DACH1: variants seen among roughly 807,000 people sequenced by gnomAD.
DACH1 encodes dachshund homolog 1.
In DACH1, 12 loss-of-function variants were observed where a neutral mutation model predicts 54.2. The ratio of observed to expected loss-of-function variants is 0.22; its 90% confidence interval spans 0.14 to 0.36. The LOEUF (loss-of-function observed/expected upper bound fraction) is 0.36. DACH1 is among the 10% of genes least tolerant of loss of function. The pLI, the probability that DACH1 is intolerant of heterozygous loss-of-function variation, is 1.00. For missense variants in DACH1, 805 were observed against 929.8 expected, an observed-to-expected ratio of 0.87 and a Z score of 1.75; for synonymous variants, 386 against 366.2, an observed-to-expected ratio of 1.05 and a Z score of -0.62.
intron 1 of DACH1, among the ~76,000 whole-genome samples, chr13:71,739,018 C>T (rs1481570955): frequency 2.6e-5 from 4 of 151,770 alleles, no homozygotes; most frequent in African/African-American, 7.3e-5. Flanking sequence ...TTTGGAAGGC[C>T]GAGGCGGGCG....
At chr13:71,582,617 A>G (rs1393377711) in intron 3 of DACH1, among the ~76,000 whole-genome samples, 3 of 152,172 alleles carry the variant, frequency 2.0e-5, no homozygotes, top group Non-Finnish European at 4.4e-5. Flanking sequence ...ACTGCATATA[A>G]CAGAAAAGAA....
At chr13:71,683,897 G>C (rs559109466) in intron 1 of DACH1, among the ~76,000 whole-genome samples, 1 of 151,914 alleles carries the variant, frequency 6.6e-6, no homozygotes, top group Non-Finnish European at 1.5e-5. Flanking sequence ...ATCTCTGCTC[G>C]GATGTTCTAT....
At chr13:71,662,209 C>T (rs777832474) in intron 2 of DACH1, among the ~76,000 whole-genome samples, 15 of 151,978 alleles carry the variant, frequency 9.9e-5, no homozygotes, top group Non-Finnish European at 1.9e-4. Context: ...ATGTTGGCAA[C>T]GGTACACAGA....
At chr13:71,673,547 A>G (rs913037821) in intron 2 of DACH1, among the ~76,000 whole-genome samples, 2 of 152,088 alleles carry the variant, frequency 1.3e-5, no homozygotes, top group Admixed American at 6.6e-5. Flanking sequence ...CAGGAATTGT[A>G]AAGAGTAATA....
chr13:71,667,347 G>T (rs1879906190), intron 2 of DACH1, among the ~76,000 whole-genome samples: 1 of 152,170 alleles, frequency 6.6e-6, no homozygotes, highest in South Asian at 2.1e-4. Flanking sequence ...GGCAGAATTT[G>T]CTGGACAGAC....
chr13:71,741,521 A>G (rs1884388405), intron 1 of DACH1, among the ~76,000 whole-genome samples: 1 of 152,142 alleles, frequency 6.6e-6, no homozygotes, highest in African/African-American at 2.4e-5. Context: ...TTTATTTAGT[A>G]TTGTATTTTT....
At chr13:71,790,958 A>G (rs2138093862) in intron 1 of DACH1, among the ~76,000 whole-genome samples, 1 of 152,346 alleles carries the variant, frequency 6.6e-6, no homozygotes, top group Admixed American at 6.5e-5. Flanking sequence ...ACATATGAAC[A>G]TTAAATCTGC....
intron 6 of DACH1, among the ~76,000 whole-genome samples, chr13:71,511,084 G>C (rs1880739321): frequency 6.6e-6 from 1 of 151,958 alleles, no homozygotes; most frequent in African/African-American, 2.4e-5. Flanking sequence ...AAAAGCCTAT[G>C]GAATTCTTGT....
chr13:71,589,706 T>A (rs953999694), intron 3 of DACH1, among the ~76,000 whole-genome samples: 1 of 152,026 alleles, frequency 6.6e-6, no homozygotes, highest in Non-Finnish European at 1.5e-5. Context: ...ATACTAATTA[T>A]AAATCTAGAA....
At chr13:71,822,480 C>T (rs1312291885) in intron 1 of DACH1, among the ~76,000 whole-genome samples, 1 of 152,006 alleles carries the variant, frequency 6.6e-6, no homozygotes, top group African/African-American at 2.4e-5. Context: ...TTGTGTATCT[C>T]GTGTATGTTA....
chr13:71,572,699 T>C (rs1280768820), intron 4 of DACH1, 141 bp downstream of exon 4: 1 of 885,834 alleles, frequency 1.1e-6, no homozygotes, highest in Non-Finnish European at 1.6e-6. Flanking sequence ...GGCCATTTGC[T>C]ACAAGTGATT....
chr13:71,488,879 T>G, intron 7 of DACH1, 118 bp downstream of exon 7: 1 of 936,624 alleles, frequency 1.1e-6, no homozygotes, highest in African/African-American at 1.7e-5. Flanking sequence ...TTGAAGAGTT[T>G]AATACCATGT....
intron 2 of DACH1, among the ~76,000 whole-genome samples, chr13:71,665,036 G>T (rs1301896308): frequency 6.6e-6 from 1 of 151,900 alleles, no homozygotes; most frequent in African/African-American, 2.4e-5. Context: ...CTATAAGAGT[G>T]AGTTATTAAT....
At chr13:71,583,563 T>C (rs569214170) in intron 3 of DACH1, among the ~76,000 whole-genome samples, 2 of 152,232 alleles carry the variant, frequency 1.3e-5, no homozygotes, top group African/African-American at 4.8e-5. Context: ...ATCTCCATGG[T>C]CAGGCACAGT....
At chr13:71,657,663 C>T (rs761949546) in intron 2 of DACH1, among the ~76,000 whole-genome samples, 1 of 151,410 alleles carries the variant, frequency 6.6e-6, no homozygotes, top group African/African-American at 2.4e-5. Flanking sequence ...CCCACATATA[C>T]ATACACAGTA....
At chr13:71,482,562 T>C (rs1443412933) in intron 7 of DACH1, among the ~76,000 whole-genome samples, 1 of 152,124 alleles carries the variant, frequency 6.6e-6, no homozygotes, top group African/African-American at 2.4e-5. Context: ...CCAAATACTT[T>C]TAAAGATGAG....
intron 1 of DACH1, among the ~76,000 whole-genome samples, chr13:71,802,672 G>T (rs951490750): frequency 6.6e-6 from 1 of 151,846 alleles, no homozygotes; most frequent in Non-Finnish European, 1.5e-5. Context: ...AACAAAGAAG[G>T]TCTAATAACT....
intron 3 of DACH1, among the ~76,000 whole-genome samples, chr13:71,596,390 G>A (rs1162176625): frequency 6.6e-6 from 1 of 152,164 alleles, no homozygotes; most frequent in Non-Finnish European, 1.5e-5. Flanking sequence ...GCCTACTGGA[G>A]AGGAAAAGAT....
At chr13:71,834,249 T>C (rs967505795) in intron 1 of DACH1, among the ~76,000 whole-genome samples, 1 of 152,028 alleles carries the variant, frequency 6.6e-6, no homozygotes, top group African/African-American at 2.4e-5. Context: ...TTTTAAGTAC[T>C]ATATTTTTCA....
Sources: gnomAD v4.1 joint callset for allele counts (sites outside exome capture counted in the v4.1 genomes callset) on GRCh38, gnomAD v4.1.1 for gene constraint, MANE v1.5 for transcripts, NCBI Gene and HGNC (gene_info 2026-07-23, HGNC 2026-07-21) for gene names.